Variants in LY86 observed in about 807,000 individuals in gnomAD.
LY86 encodes the protein lymphocyte antigen 86.
In LY86, 20 loss-of-function variants were observed where a neutral mutation model predicts 17.3. The ratio of observed to expected loss-of-function variants is 1.15; its 90% CI spans 0.81 to 1.68. LY86 has a LOEUF of 1.68. Among genes scored for constraint, LY86 ranks in the 40% most tolerant of loss-of-function variants. LY86 has a pLI of 0.00. For synonymous variants in LY86, 74 were observed against 70.6 expected, an observed-to-expected ratio of 1.05 and a Z score of -0.24; for missense variants, 200 against 191.9, an observed-to-expected ratio of 1.04 and a Z score of -0.25.
At chr6:6,654,061 C>A (rs1187765768) in intron 4 of LY86, among the ~76,000 whole-genome samples, 2 of 151,440 alleles carry the variant, frequency 1.3e-5, no homozygotes, top group East Asian at 3.9e-4. Flanking sequence ...AAGAGTCTGG[C>A]CTCCTGTGTT....
intron 1 of LY86, among the ~76,000 whole-genome samples, chr6:6,605,720 G>C (rs1231735762): frequency 2.0e-5 from 3 of 152,186 alleles, no homozygotes; most frequent in Non-Finnish European, 4.4e-5. Flanking sequence ...ACCTCGCGGT[G>C]AGTGTTACAG....
chr6:6,647,968 TACACACACACACACACACAC>T lies in LY86; in HGVS notation c.353-1632_353-1613del, dbSNP rs57233850. 8.0e-3 allele frequency among the ~76,000 whole-genome samples: 1,156 copies of T among 144,796 alleles called. 25 individuals are homozygous for T. The highest frequency in any genetic ancestry group is 0.028 in the African/African-American group (1,100 of 39,420). The allele number at this position is 144,796 out of a possible 152,430, so 95.0% of individuals were successfully genotyped here. On this transcript the variant is annotated intron_variant, in intron 3 of 4. Transcript: ENST00000230568. Reference sequence around the variant, plus strand: ...GAAATAGAGCTCTTCAATCATCACATACACACACACACACACACACACACACACACACACACACACACACT... The same window carrying T: ...GAAATAGAGCTCTTCAATCATCACATACACACACACACACACACACACACT...
At chr6:6,611,811 G>C (rs1260176822) in intron 1 of LY86, among the ~76,000 whole-genome samples, 1 of 152,104 alleles carries the variant, frequency 6.6e-6, no homozygotes, top group Non-Finnish European at 1.5e-5. Flanking sequence ...TTTAACAATC[G>C]GACCGATAAA....
chr6:6,650,120 G>A (rs1762164871), intron 4 of LY86, among the ~76,000 whole-genome samples: 1 of 152,186 alleles, frequency 6.6e-6, no homozygotes, highest in Non-Finnish European at 1.5e-5. Context: ...ATGAAGGCAT[G>A]AAGGTCCTCC....
At chr6:6,612,087 G>A (rs769661359) in intron 1 of LY86, among the ~76,000 whole-genome samples, 6 of 152,330 alleles carry the variant, frequency 3.9e-5, no homozygotes, top group Non-Finnish European at 7.3e-5. Context: ...CAAGATTTGA[G>A]AAGATCCAAA....
intron 1 of LY86, among the ~76,000 whole-genome samples, chr6:6,614,826 C>T (rs774171642): frequency 2.0e-5 from 3 of 152,058 alleles, no homozygotes; most frequent in African/African-American, 7.2e-5. Flanking sequence ...TCTTGAGAGT[C>T]GCTTGGGTAA....
At chr6:6,649,502 G>A in intron 3 of LY86, 123 bp from the exon 4 acceptor site, 2 of 496,724 alleles carry the variant, frequency 4.0e-6, no homozygotes, top group East Asian at 3.3e-5. Context: ...AACATTTCTA[G>A]CAATAGCTGC....
intron 1 of LY86, among the ~76,000 whole-genome samples, chr6:6,607,235 C>G (rs1761193855): frequency 6.6e-6 from 1 of 152,232 alleles, no homozygotes; most frequent in African/African-American, 2.4e-5. Context: ...TTCTAGAAAT[C>G]TGTGGCCCAA....
chr6:6,631,713 A>G (rs1298923102), intron 3 of LY86, among the ~76,000 whole-genome samples: 1 of 152,236 alleles, frequency 6.6e-6, no homozygotes, highest in Non-Finnish European at 1.5e-5. Flanking sequence ...AGGGAAGGAT[A>G]GTAAACATTT....
Position 6,596,418 on chromosome 6 carries a change from C to T in LY86, c.136+7548C>T, listed in dbSNP as rs1308668249. 1.3e-4 allele frequency among the ~76,000 whole-genome samples: 17 copies of T among 131,082 alleles called. No individual in the cohort carries two copies. In the Admixed American group the frequency reaches 1.3e-3, roughly 10 times the overall value. 86.0% of individuals were successfully genotyped at this position (131,082 alleles called of 152,430 possible). The stretch of plus-strand genomic sequence containing the variant: ...AAACATCAAAAAAAGAAAAGAAAAA[C>T]CTCACAGGTCATCTAGTCACTTAGC... On this transcript the variant is annotated intron_variant, in intron 1 of 4. Coordinates refer to ENST00000230568, the MANE Select transcript of LY86 (RefSeq NM_004271.4).
intron 1 of LY86, among the ~76,000 whole-genome samples, chr6:6,604,882 A>T (rs901727928): frequency 6.6e-6 from 1 of 151,984 alleles, no homozygotes; most frequent in Admixed American, 6.5e-5. Flanking sequence ...TACCTAAAAG[A>T]AGTTATAGAC....
At position 6,636,828 on chromosome 6, in the gene LY86, CA is replaced by C. The variant is rs1761965667; in HGVS notation, c.352+10408del. On this transcript the variant is annotated intron_variant, in intron 3 of 4. Transcript: ENST00000230568. Reference sequence around the variant, plus strand: ...CAGGCAGCTGCTGCTGCAGCAAATTCATGCAGAATCACCAAAAACAATGGTT... The same window carrying C: ...CAGGCAGCTGCTGCTGCAGCAAATTCTGCAGAATCACCAAAAACAATGGTT... Among the ~76,000 whole-genome samples the C allele has an allele frequency of 4.0e-5, 6 of 151,186 alleles. No individual in the cohort carries two copies. The South Asian group carries it at 1.3e-3, about 31-fold the overall frequency.
rs80323732 is a variant in LY86 at position 6,594,034 on chromosome 6, A to T, written c.136+5164A>T. On this transcript the variant is annotated intron_variant, in intron 1 of 4. Transcript: ENST00000230568. Reference sequence around the variant, plus strand: ...TTGTTGCCATTGTTTTTGTTACTGGATGTTTGTAAGGGTCAGATAGAGTTC... The same window carrying T: ...TTGTTGCCATTGTTTTTGTTACTGGTTGTTTGTAAGGGTCAGATAGAGTTC... 5.0e-3 allele frequency among the ~76,000 whole-genome samples: 754 copies of T among 152,260 alleles called. 3 individuals are homozygous for T. Among genetic ancestry groups the T allele is most frequent in the Non-Finnish European group, 7.6e-3 (514 of 68,024 alleles).
At chr6:6,608,704 T>G (rs1761258024) in intron 1 of LY86, among the ~76,000 whole-genome samples, 2 of 152,214 alleles carry the variant, frequency 1.3e-5, no homozygotes, top group African/African-American at 4.8e-5. Flanking sequence ...CTGAACAATA[T>G]CCAAACGGTT....
At chr6:6,615,493 G>C (rs1581243524) in intron 1 of LY86, among the ~76,000 whole-genome samples, 1 of 152,088 alleles carries the variant, frequency 6.6e-6, no homozygotes, top group Non-Finnish European at 1.5e-5. Context: ...AGGCCGAAAC[G>C]GGTGGATCAC....
chr6:6,625,071 C>T (rs981213010), intron 2 of LY86, 59 bp downstream of exon 2: 3 of 743,920 alleles, frequency 4.0e-6, no homozygotes, highest in East Asian at 2.8e-5. Flanking sequence ...TCCAACTCCA[C>T]ACACCCAATG....
intron 4 of LY86, among the ~76,000 whole-genome samples, chr6:6,650,133 T>A (rs1414131899): frequency 6.6e-6 from 1 of 152,140 alleles, no homozygotes; most frequent in Non-Finnish European, 1.5e-5. Context: ...GGTCCTCCAG[T>A]TACTGTCCTT....
rs1273694274 is a variant in LY86, at chr6:6,602,375, A to G, written c.136+13505A>G. ...CGATACCCACAAACACCACTAAAAC[A>G]TGCATTTCCAAAAGACAGCCGAAGG... is the stretch of plus-strand genomic sequence containing the variant. On this transcript the variant is annotated intron_variant, in intron 1 of 4. Coordinates refer to ENST00000230568, the MANE Select transcript of LY86 (RefSeq NM_004271.4). Among the ~76,000 whole-genome samples the G allele has an allele frequency of 2.6e-5, 4 of 152,236 alleles. No individual in the cohort carries two copies. The East Asian group carries it at 7.7e-4, about 29-fold the overall frequency.
At chr6:6,646,901 A>C (rs1762115420) in intron 3 of LY86, among the ~76,000 whole-genome samples, 1 of 152,170 alleles carries the variant, frequency 6.6e-6, no homozygotes, top group Admixed American at 6.5e-5. Flanking sequence ...AGTATCTTTA[A>C]ATTTATGGCC....
Sources: gnomAD v4.1 joint callset for allele counts (sites outside exome capture counted in the v4.1 genomes callset) on GRCh38, gnomAD v4.1.1 for gene constraint, MANE v1.5 for transcripts, NCBI Gene and HGNC (gene_info 2026-07-23, HGNC 2026-07-21) for gene names.